TRPC5: variants seen among roughly 807,000 people sequenced by gnomAD.
TRPC5 encodes the protein short transient receptor potential channel 5.
A neutral mutation model predicts 56.5 loss-of-function variants in TRPC5; 9 were observed. The ratio of observed to expected loss-of-function variants is 0.16; its 90% CI spans 0.10 to 0.28. The LOEUF is 0.28. TRPC5 is among the 10% of genes least tolerant of loss of function. The pLI, the probability that TRPC5 is intolerant of heterozygous loss-of-function variation, is 1.00. For synonymous variants in TRPC5, 282 were observed against 278.5 expected, an observed-to-expected ratio of 1.01 and a Z score of -0.13; for missense variants, 469 against 748.9, an observed-to-expected ratio of 0.63 and a Z score of 4.36.
At chrX:111,908,380 G>A (rs1232509114) in intron 3 of TRPC5, among the ~76,000 whole-genome samples, 1 of 111,693 alleles carries the variant, frequency 9.0e-6, no homozygotes, top group Non-Finnish European at 1.9e-5. Context: ...TAAAATTGAT[G>A]TATGGCCATT....
In TRPC5 at chrX:111,944,276, G is replaced by A. The variant is rs911018653; in HGVS notation, c.378+7767C>T. ...GGTGTGGGAGTAGAAGAGTGTGTGT[G>A]TGTGTGTGTGTGTGTGTGTGTGTGT... is the stretch of plus-strand genomic sequence containing the variant. On this transcript the variant is annotated intron_variant, in intron 2 of 10. Transcript: ENST00000262839. Among the ~76,000 whole-genome samples the A allele has an allele frequency of 3.6e-4, 27 of 75,873 alleles. 1 individual carries two copies. The highest frequency in any genetic ancestry group is 2.1e-3 in the African/African-American group (27 of 13,016). The allele number at this position is 75,873 out of a possible 115,157, so 65.9% of individuals were successfully genotyped here.
At chrX:111,851,234 T>C (rs1191251929) in intron 5 of TRPC5, among the ~76,000 whole-genome samples, 1 of 112,246 alleles carries the variant, frequency 8.9e-6, no homozygotes, top group South Asian at 3.7e-4. Flanking sequence ...ACTAAGTTGT[T>C]GGAGATTTGG....
chrX:111,876,694 GTC>G (rs1923962959), intron 3 of TRPC5, among the ~76,000 whole-genome samples: 1 of 111,245 alleles, frequency 9.0e-6, no homozygotes, highest in Admixed American at 9.6e-5. Context: ...GCTTTAATGA[GTC>G]TCTACCACCC....
intron 1 of TRPC5, among the ~76,000 whole-genome samples, chrX:112,031,914 A>G (rs1178554536): frequency 9.1e-6 from 1 of 109,393 alleles, no homozygotes; most frequent in East Asian, 2.8e-4. Context: ...TATTACATAT[A>G]TATATATATA....
chrX:111,841,804 G>A (rs1432118332), intron 6 of TRPC5, among the ~76,000 whole-genome samples: 4 of 110,356 alleles, frequency 3.6e-5, no homozygotes, highest in Non-Finnish European at 7.6e-5. Flanking sequence ...TCCACTTCCC[G>A]GGTTCAAGTG....
intron 3 of TRPC5, among the ~76,000 whole-genome samples, chrX:111,905,885 A>C (rs1161061443): frequency 2.3e-4 from 23 of 100,959 alleles, no homozygotes; most frequent in Admixed American, 1.9e-3. Flanking sequence ...ACTGCACTCC[A>C]GCCTGGGCGA....
At chrX:111,785,594 G>A (rs1359281246) in intron 7 of TRPC5, among the ~76,000 whole-genome samples, 1 of 111,820 alleles carries the variant, frequency 8.9e-6, no homozygotes, top group Non-Finnish European at 1.9e-5. Context: ...GGCTTCAGAA[G>A]GTCGGTAATA....
At chrX:111,948,120 G>A (rs186614621) in intron 2 of TRPC5, among the ~76,000 whole-genome samples, 9 of 111,823 alleles carry the variant, frequency 8.0e-5, no homozygotes, top group Non-Finnish European at 1.5e-4. Context: ...TGCAATTTTG[G>A]TTTTGTTATG....
intron 3 of TRPC5, among the ~76,000 whole-genome samples, chrX:111,905,114 T>G (rs1925540942): frequency 9.0e-6 from 1 of 110,545 alleles, no homozygotes; most frequent in South Asian, 3.8e-4. Flanking sequence ...CCTGAGGGGG[T>G]TATGTAACTC....
At chrX:111,806,043 T>A (rs866401004) in intron 7 of TRPC5, among the ~76,000 whole-genome samples, 2 of 109,732 alleles carry the variant, frequency 1.8e-5, no homozygotes, top group African/African-American at 6.6e-5. Flanking sequence ...CAAAAGCATT[T>A]AAAAAATGTT....
chrX:111,884,208 G>T (rs1421595191), intron 3 of TRPC5, among the ~76,000 whole-genome samples: 1 of 112,471 alleles, frequency 8.9e-6, no homozygotes. Context: ...TAACTGACTT[G>T]GTTAAGGTAT....
At chrX:111,895,437 T>C (rs1925019359) in intron 3 of TRPC5, among the ~76,000 whole-genome samples, 1 of 112,071 alleles carries the variant, frequency 8.9e-6, no homozygotes, top group Non-Finnish European at 1.9e-5. Flanking sequence ...TGGATAGAAG[T>C]CCTTTGTTAG....
At chrX:112,029,015 T>C (rs917884190) in intron 1 of TRPC5, among the ~76,000 whole-genome samples, 6 of 112,542 alleles carry the variant, frequency 5.3e-5, no homozygotes, top group African/African-American at 1.9e-4. Context: ...AACTTTTAGT[T>C]ATTTTAAAAT....
At chrX:112,009,521 T>C (rs757293982) in intron 1 of TRPC5, among the ~76,000 whole-genome samples, 1 of 111,916 alleles carries the variant, frequency 8.9e-6, no homozygotes, top group African/African-American at 3.2e-5. Context: ...GCTTTGGGTC[T>C]GGGTGTTAAT....
chrX:111,834,274 G>A (rs746454576), intron 7 of TRPC5, among the ~76,000 whole-genome samples: 2 of 111,400 alleles, frequency 1.8e-5, no homozygotes, highest in East Asian at 5.6e-4. Context: ...ATGGAGTGCA[G>A]TTACTTATAT....
At chrX:111,937,462 G>A (rs1191809398) in intron 2 of TRPC5, among the ~76,000 whole-genome samples, 3 of 104,375 alleles carry the variant, frequency 2.9e-5, no homozygotes, top group Non-Finnish European at 5.9e-5. Context: ...TTCTTCTAGG[G>A]TTTTTATGGT....
chrX:111,848,458 G>C (rs1049564454), intron 5 of TRPC5, among the ~76,000 whole-genome samples: 2 of 112,313 alleles, frequency 1.8e-5, no homozygotes, highest in African/African-American at 6.5e-5. Context: ...GGAAATACAA[G>C]GAATTACTTA....
chrX:112,014,714 C>A (rs906823518), intron 1 of TRPC5, among the ~76,000 whole-genome samples: 3 of 111,925 alleles, frequency 2.7e-5, no homozygotes, highest in African/African-American at 6.5e-5. Flanking sequence ...TTCTCATGAG[C>A]CATCCTAGCA....
chrX:111,884,907 T>C (rs922437272), intron 3 of TRPC5, among the ~76,000 whole-genome samples: 34 of 112,640 alleles, frequency 3.0e-4, no homozygotes, highest in African/African-American at 1.1e-3. Context: ...AGAAAAGCTG[T>C]GGTCAGACTT....
Sources: allele counts gnomAD v4.1 joint callset (sites outside exome capture counted in the v4.1 genomes callset), GRCh38; gene constraint gnomAD v4.1.1; transcripts MANE v1.5; gene names NCBI Gene and HGNC (gene_info 2026-07-23, HGNC 2026-07-21).